The following MCC variants were observed in gnomAD, a reference collection of about 807,000 sequenced individuals.
MCC encodes MCC regulator of Wnt signaling pathway, also known as colorectal mutant cancer protein.
In MCC, 90 loss-of-function variants were observed where a neutral mutation model predicts 116.2. The observed-to-expected ratio is 0.77, with a 90% CI of 0.65 to 0.92. The LOEUF (loss-of-function observed/expected upper bound fraction) is 0.92. Ranked by LOEUF, MCC falls within the 40% of genes least tolerant of loss-of-function variation. The probability of loss-of-function intolerance (pLI) is 0.00; values close to 1 mark genes in which losing one functional copy is unlikely to be tolerated. For missense variants in MCC, 1,516 were observed against 1,312.2 expected (o/e 1.16, Z -2.40); for synonymous variants, 578 against 510.5 (o/e 1.13, Z -1.78).
At chr5:113,268,627 T>C (rs1387173976) in intron 3 of MCC, among the ~76,000 whole-genome samples, 1 of 152,140 alleles carries the variant, frequency 6.6e-6, no homozygotes, top group Non-Finnish European at 1.5e-5. Flanking sequence ...ATACAAAGCG[T>C]CTCTCAATTT....
chr5:113,327,384 T>C (rs939082185), intron 3 of MCC, among the ~76,000 whole-genome samples: 3 of 151,148 alleles, frequency 2.0e-5, no homozygotes, highest in Non-Finnish European at 3.0e-5. Flanking sequence ...CTGTCTCTAC[T>C]AAAAATAAAA....
At chr5:113,286,700 T>C (rs1360507172) in intron 3 of MCC, among the ~76,000 whole-genome samples, 1 of 152,226 alleles carries the variant, frequency 6.6e-6, no homozygotes, top group Non-Finnish European at 1.5e-5. Context: ...GTTTTTGGTA[T>C]GGCAATTGGA....
chr5:113,223,140 G>A (rs1340825551), intron 3 of MCC, among the ~76,000 whole-genome samples: 1 of 152,176 alleles, frequency 6.6e-6, no homozygotes, highest in Non-Finnish European at 1.5e-5. Context: ...CTTCCAGTGT[G>A]ATACAGGGAG....
At chr5:113,087,413 T>C (rs1252971947) in intron 8 of MCC, among the ~76,000 whole-genome samples, 1 of 152,148 alleles carries the variant, frequency 6.6e-6, no homozygotes, top group Non-Finnish European at 1.5e-5. Flanking sequence ...TAGGAAAATA[T>C]ATCCCTGTAG....
At position 113,345,504 on chromosome 5, in the gene MCC, T is replaced by A. The variant is rs151168375; in HGVS notation, c.416-4774A>T. Among the ~76,000 whole-genome samples, 7 of 152,338 alleles carry A rather than the reference T, an allele frequency of 4.6e-5. 1 individual carries two copies. The East Asian group carries it at 1.4e-3, about 29-fold the overall frequency. On this transcript the variant is annotated intron_variant, in intron 2 of 18. Coordinates refer to ENST00000408903, the MANE Select transcript of MCC (RefSeq NM_001085377.2). ...CAGGTCCGACTCAGTGTAGTCCTAG[T>A]GGTGGGAACCACAGGGGTGGTTGCA... is the stretch of plus-strand genomic sequence containing the variant.
In MCC at chr5:113,027,321, G is replaced by T; in HGVS notation, c.3041C>A (p.Thr1014Asn). The change falls in exon 19 of 19, where the codon ACC (threonine) becomes AAC (asparagine). Residue 1014 changes from threonine to asparagine, a missense_variant. Transcript: ENST00000408903. ...LLEEENSRPH[T>N]NETSL ...TGCTGATTAAAGCGAAGTTTCATTG[G>T]TGTGTGGCCTGGAGTTCTCCTCCTC... 1 of 1,614,156 alleles carries T rather than the reference G, an allele frequency of 6.2e-7. No individual in the cohort carries two copies. Among genetic ancestry groups the T allele is most frequent in the Non-Finnish European group, 8.5e-7 (1 of 1,179,988 alleles).
In MCC at chr5:113,308,334, T is replaced by C. The variant is rs115588336; in HGVS notation, c.627+32185A>G. On this transcript the variant is annotated intron_variant, in intron 3 of 18. Coordinates refer to ENST00000408903, the MANE Select transcript of MCC (RefSeq NM_001085377.2). Reference sequence around the variant, plus strand: ...CTCCATTAAAAGGTGAGCTGTATGATGCTCAGTTCAATTAATTAAAGAGAA... The same window carrying C: ...CTCCATTAAAAGGTGAGCTGTATGACGCTCAGTTCAATTAATTAAAGAGAA... 3.4e-3 allele frequency among the ~76,000 whole-genome samples: 524 copies of C among 152,338 alleles called. 2 individuals carry two copies. The highest frequency in any genetic ancestry group is 0.012 in the African/African-American group (493 of 41,568).
At position 113,207,513 on chromosome 5, in the gene MCC, TG is replaced by T. The variant is rs201138493; in HGVS notation, c.628-56092del. ...TCTGGAAGAACTGAATCTTAGAGAA[TG>T]GCTTTAATGATTGTTCTTACAAAAC... On this transcript the variant is annotated intron_variant, in intron 3 of 18. Coordinates refer to ENST00000408903, the MANE Select transcript of MCC (RefSeq NM_001085377.2). 7.3e-3 allele frequency among the ~76,000 whole-genome samples: 1,112 copies of T among 152,162 alleles called. 4 individuals carry two copies. Among genetic ancestry groups the T allele is most frequent in the African/African-American group, 0.013 (540 of 41,478 alleles).
At chr5:113,056,439 G>A (rs569188879) in intron 14 of MCC, among the ~76,000 whole-genome samples, 11 of 152,226 alleles carry the variant, frequency 7.2e-5, no homozygotes, top group South Asian at 4.1e-4. Context: ...TGGATGAAGC[G>A]GGAGGCCATT....
At chr5:113,242,426 G>T (rs959716355) in intron 3 of MCC, among the ~76,000 whole-genome samples, 2 of 152,074 alleles carry the variant, frequency 1.3e-5, no homozygotes, top group Admixed American at 6.5e-5. Context: ...AGAATCTGAA[G>T]AGATTCAGAT....
chr5:113,046,688 A>C (rs1561750030), intron 16 of MCC, among the ~76,000 whole-genome samples: 1 of 23,000 alleles, frequency 4.3e-5, no homozygotes, highest in African/African-American at 1.3e-4. Context: ...CAAAAGGCAA[A>C]AAAAAAAAAA....
At chr5:113,240,925 T>C (rs1764340820) in intron 3 of MCC, among the ~76,000 whole-genome samples, 1 of 151,940 alleles carries the variant, frequency 6.6e-6, no homozygotes, top group African/African-American at 2.4e-5. Flanking sequence ...CATCACGGAG[T>C]CAGGTGAAGA....
In MCC at chr5:113,434,812, G is replaced by A. The variant is rs367688907; in HGVS notation, c.171-49600C>T. On this transcript the variant is annotated intron_variant, in intron 1 of 18. Coordinates refer to ENST00000408903, the MANE Select transcript of MCC (RefSeq NM_001085377.2). This position sits in a 1 kb window ranked among gnomAD's most constrained non-coding sequence, Gnocchi z 4.2. Reference sequence around the variant, plus strand: ...AAATTTATCCCCAGGAGGTAGCCTCGTCGCTTGAGGACAGCAGCGTCATCC... The same window carrying A: ...AAATTTATCCCCAGGAGGTAGCCTCATCGCTTGAGGACAGCAGCGTCATCC... 62 of 1,611,838 alleles carry A rather than the reference G, an allele frequency of 3.8e-5. 1 individual carries two copies. The highest frequency in any genetic ancestry group is 3.5e-4 in the South Asian group (32 of 91,022).
chr5:113,441,340 A>G (rs1237995726), intron 1 of MCC, among the ~76,000 whole-genome samples: 1 of 152,126 alleles, frequency 6.6e-6, no homozygotes, highest in Non-Finnish European at 1.5e-5. Flanking sequence ...CACTGTCTCA[A>G]AACAAAACAA....
chr5:113,072,386 CA>C (rs1409812682), intron 11 of MCC, among the ~76,000 whole-genome samples: 1 of 152,198 alleles, frequency 6.6e-6, no homozygotes, highest in Non-Finnish European at 1.5e-5. Flanking sequence ...TGCCCCTGTT[CA>C]CATTAAGACT....
chr5:113,278,335 C>T (rs1765904265), intron 3 of MCC, among the ~76,000 whole-genome samples: 1 of 152,158 alleles, frequency 6.6e-6, no homozygotes, highest in South Asian at 2.1e-4. Context: ...AAAGTGAATG[C>T]TGAGGGTCAG....
chr5:113,132,167 G>T (rs1188819993), intron 5 of MCC, among the ~76,000 whole-genome samples: 1 of 150,556 alleles, frequency 6.6e-6, no homozygotes, highest in Admixed American at 6.6e-5. Flanking sequence ...AACTTTACAA[G>T]GATTCAATTT....
At chr5:113,353,677 G>C (rs1768338604) in intron 2 of MCC, among the ~76,000 whole-genome samples, 1 of 152,140 alleles carries the variant, frequency 6.6e-6, no homozygotes, top group Non-Finnish European at 1.5e-5. Flanking sequence ...TCTAAACATT[G>C]ATCAGTCTAC....
rs1561717784 is a variant in MCC at position 113,022,539 on chromosome 5, T to A, written c.*4763A>T. 6.6e-6 allele frequency: 1 copy of A among 152,408 alleles called. No homozygotes were observed. The highest frequency in any genetic ancestry group is 1.5e-5 in the Non-Finnish European group (1 of 68,048). 9.4% of individuals were successfully genotyped at this position (152,408 alleles called of 1,614,324 possible). A position where few individuals can be genotyped will look rare whatever the true frequency, so the allele number is the denominator to read the frequency against. On this transcript the variant is annotated 3_prime_UTR_variant, in exon 19 of 19. Transcript: ENST00000408903. ...TAGAAAAGAAGTGGACATGTTTTAT[T>A]ATCTTTGCATTACGTTCTAACAAAA... is the stretch of plus-strand genomic sequence containing the variant.
Sources: gnomAD v4.1 joint callset for allele counts (sites outside exome capture counted in the v4.1 genomes callset) on GRCh38, gnomAD v4.1.1 for gene constraint, Gnocchi (gnomAD v3.1) non-coding constraint, MANE v1.5 for transcripts, NCBI Gene and HGNC (gene_info 2026-07-23, HGNC 2026-07-21) for gene names.